The following BRF1 variants were observed in gnomAD, a reference collection of about 807,000 sequenced individuals.
The protein encoded by BRF1 is BRF1 general transcription factor IIIB subunit.
BRF1 carries 59 observed loss-of-function variants against 81.7 expected under a neutral mutation model. That is an observed-to-expected ratio of 0.72 (90% CI 0.59 to 0.90). BRF1 has a LOEUF of 0.90. Among genes scored for constraint, BRF1 ranks in the 40% least tolerant of loss-of-function variants. The pLI, the probability that BRF1 is intolerant of heterozygous loss-of-function variation, is 0.00. For missense variants in BRF1, 1,050 were observed against 936.3 expected (o/e 1.12, Z -1.58); for synonymous variants, 491 against 395.6 (o/e 1.24, Z -2.86).
At chr14:105,222,944 C>T (rs587722501) in intron 10 of BRF1, among the ~76,000 whole-genome samples, 12 of 152,296 alleles carry the variant, frequency 7.9e-5, no homozygotes, top group Admixed American at 7.2e-4. Context: ...CTGATCATTT[C>T]TTAAAGACAG....
intron 15 of BRF1, among the ~76,000 whole-genome samples, chr14:105,216,164 C>T (rs1028459166): frequency 6.6e-6 from 1 of 152,194 alleles, no homozygotes; most frequent in Admixed American, 6.5e-5. Flanking sequence ...CATGTATACA[C>T]ACACAGAGAG....
At chr14:105,265,793 C>T (rs755175676) in intron 3 of BRF1, among the ~76,000 whole-genome samples, 2 of 151,410 alleles carry the variant, frequency 1.3e-5, no homozygotes, top group East Asian at 1.9e-4. Context: ...CCCAGCTACT[C>T]GGGAAGCTGA....
At chr14:105,273,672 T>C (rs2056756437) in intron 2 of BRF1, among the ~76,000 whole-genome samples, 1 of 152,314 alleles carries the variant, frequency 6.6e-6, no homozygotes, top group African/African-American at 2.4e-5. Flanking sequence ...TCTAGGGCTG[T>C]GCAGGACGTG....
At chr14:105,274,228 CCTT>C (rs1388171098) in intron 2 of BRF1, among the ~76,000 whole-genome samples, 2 of 152,148 alleles carry the variant, frequency 1.3e-5, no homozygotes, top group Admixed American at 6.5e-5. Flanking sequence ...TTCTTGCTGA[CCTT>C]CTCCCCACTA....
intron 5 of BRF1, chr14:105,248,282 G>T (rs2055264792): frequency 2.0e-6 from 2 of 985,468 alleles, no homozygotes; most frequent in African/African-American, 3.5e-5. Context: ...AATGCAAATG[G>T]CCAAACAAGC....
At chr14:105,261,573 A>G (rs796258309) in intron 3 of BRF1, among the ~76,000 whole-genome samples, 1 of 152,364 alleles carries the variant, frequency 6.6e-6, no homozygotes, top group South Asian at 2.1e-4. Flanking sequence ...CCTTACATGG[A>G]AAAGTTTACA....
At position 105,258,059 on chromosome 14, in the gene BRF1, G is replaced by A. The variant is rs1353320726; in HGVS notation, c.440-1510C>T. ...TTTCTTATCAACAACTTGGCAAGAC[G>A]GGCTCATCAACCATAACAAATGGAC... On this transcript the variant is annotated intron_variant, in intron 3 of 17. Coordinates refer to ENST00000547530, the MANE Select transcript of BRF1 (RefSeq NM_001519.4). Among the ~76,000 whole-genome samples the A allele has an allele frequency of 2.0e-5, 3 of 152,160 alleles. No individual in the cohort carries two copies. The East Asian group carries it at 5.8e-4, about 29-fold the overall frequency.
chr14:105,214,432 A>C (rs34448993), intron 15 of BRF1, among the ~76,000 whole-genome samples: 60,852 of 134,924 alleles, frequency 0.45, 15,955 homozygotes, highest in African/African-American at 0.76. Context: ...GCCCACACCC[A>C]TGCATGGCCC....
chr14:105,256,594 G>A (rs1488868443), intron 3 of BRF1, 45 bp from the exon 4 acceptor site: 9 of 1,605,282 alleles, frequency 5.6e-6, no homozygotes, highest in Non-Finnish European at 6.8e-6. Context: ...GCAAGCTCAG[G>A]TTACTCGCCC....
intron 5 of BRF1, chr14:105,241,680 C>G (rs587727594): frequency 1.9e-6 from 1 of 527,916 alleles, no homozygotes; most frequent in Non-Finnish European, 3.4e-6. Context: ...ACTGCATGGC[C>G]GCCCTGCTCA....
intron 10 of BRF1, chr14:105,222,120 G>A (rs2141493016): frequency 1.8e-6 from 1 of 558,748 alleles, no homozygotes; most frequent in Non-Finnish European, 3.0e-6. Flanking sequence ...CAGACCTAGG[G>A]GGAGAGTTAA....
chr14:105,275,750 C>T (rs1440983046), intron 2 of BRF1, among the ~76,000 whole-genome samples: 3 of 152,276 alleles, frequency 2.0e-5, no homozygotes, highest in Non-Finnish European at 4.4e-5. Context: ...TCCTAAAATT[C>T]CTATGTTGAA....
At position 105,217,697 on chromosome 14, in the gene BRF1, T is replaced by A. The variant is rs1891563045; in HGVS notation, c.1619A>T (p.Tyr540Phe). The A allele has an allele frequency of 6.2e-7, 1 of 1,613,314 alleles. No homozygotes were observed. Among genetic ancestry groups the A allele is most frequent in the South Asian group, 1.1e-5 (1 of 91,092 alleles). ...GCTGCTGAGGCCCCGGAGCACGCTA[T>A]AATTGATCTTGCTGGAGATCTTCTT... ...EQKKISSKINYSVLRGLSSAG... is the reference protein window; with the variant it reads ...EQKKISSKINFSVLRGLSSAG... Residue 540 changes from tyrosine to phenylalanine, a missense_variant, in exon 15 of 18, where the codon TAT becomes TTT. Physicochemically the swap from Tyr to Phe is conservative, Grantham distance 22. Transcript: ENST00000547530.
intron 7 of BRF1, among the ~76,000 whole-genome samples, chr14:105,228,543 C>CAAA (rs369640753): frequency 1.9e-4 from 26 of 135,258 alleles, no homozygotes; most frequent in Admixed American, 1.5e-4. Context: ...GGCTGTTCCT[C>CAAA]AAAAAAAAAA....
At chr14:105,298,919 C>T (rs10149942) in intron 1 of BRF1, among the ~76,000 whole-genome samples, 1 of 151,754 alleles carries the variant, frequency 6.6e-6, no homozygotes, top group South Asian at 2.1e-4. Flanking sequence ...GCCTGTAATC[C>T]CAGCACTTTG....
chr14:105,288,758 C>T (rs1352019647), intron 1 of BRF1, among the ~76,000 whole-genome samples: 1 of 151,100 alleles, frequency 6.6e-6, no homozygotes, highest in African/African-American at 2.4e-5. Context: ...CTCAGCCTCC[C>T]GAGTAGCTGG....
intron 3 of BRF1, among the ~76,000 whole-genome samples, chr14:105,266,531 TTCA>T (rs2056425304): frequency 1.3e-5 from 2 of 152,280 alleles, no homozygotes; most frequent in South Asian, 4.1e-4. Flanking sequence ...TTCAGTATTT[TTCA>T]TGACAAAAAC....
At chr14:105,250,242 C>T (rs1240597249) in intron 5 of BRF1, 1 of 1,613,046 alleles carries the variant, frequency 6.2e-7, no homozygotes, top group Non-Finnish European at 8.5e-7. Flanking sequence ...CGATTCCAGT[C>T]TTCTGCCTAC....
chr14:105,304,665 C>T (rs747910259), upstream of BRF1, among the ~76,000 whole-genome samples: 29 of 152,282 alleles, frequency 1.9e-4, no homozygotes, highest in Non-Finnish European at 3.4e-4. Context: ...TAAAGACATA[C>T]GTGAGACTGG....
Sources: allele counts gnomAD v4.1 joint callset (sites outside exome capture counted in the v4.1 genomes callset), GRCh38; gene constraint gnomAD v4.1.1; transcripts MANE v1.5; gene names NCBI Gene and HGNC (gene_info 2026-07-23, HGNC 2026-07-21).